Variants in BRMS1L observed in about 807,000 individuals in gnomAD.
BRMS1L encodes the protein breast cancer metastasis-suppressor 1-like protein.
In BRMS1L, 23 loss-of-function variants were observed where a neutral mutation model predicts 50.3. The ratio of observed to expected loss-of-function variants is 0.46; its 90% CI spans 0.33 to 0.65. The LOEUF is 0.65. Among genes scored for constraint, BRMS1L ranks in the 30% least tolerant of loss-of-function variants. The pLI is 0.02. For missense variants in BRMS1L, 286 were observed against 386.1 expected (o/e 0.74, Z 2.17); for synonymous variants, 114 against 126.9 (o/e 0.90, Z 0.69).
intron 4 of BRMS1L, among the ~76,000 whole-genome samples, chr14:35,850,549 T>C (rs966236302): frequency 6.6e-6 from 1 of 152,226 alleles, no homozygotes; most frequent in African/African-American, 2.4e-5. Flanking sequence ...AGAAACTTTT[T>C]AGTTTTGGTA....
chr14:35,867,089 T>TTGAA (rs573937424), intron 8 of BRMS1L, among the ~76,000 whole-genome samples: 148 of 152,174 alleles, frequency 9.7e-4, no homozygotes, highest in East Asian at 1.7e-3. Flanking sequence ...ACAACATTTG[T>TTGAA]TGAATGAATG....
At chr14:35,842,269 C>A (rs542406083) in intron 4 of BRMS1L, among the ~76,000 whole-genome samples, 77 of 151,954 alleles carry the variant, frequency 5.1e-4, no homozygotes, top group Admixed American at 1.9e-3. Flanking sequence ...TTCTTCATAG[C>A]GTTGATGGTC....
chr14:35,829,029 T>C (rs1227106082), intron 1 of BRMS1L, among the ~76,000 whole-genome samples: 2 of 151,716 alleles, frequency 1.3e-5, no homozygotes, highest in African/African-American at 4.8e-5. Context: ...CGCTGCAACC[T>C]CTGCCTCCTG....
Position 35,828,570 on chromosome 14 carries a change from T to C in BRMS1L, c.142+1912T>C, listed in dbSNP as rs2077877583. On this transcript the variant is annotated intron_variant, in intron 1 of 9. Transcript: ENST00000216807. ...CTCACTGCAACCTCCACCTCCAGGG[T>C]ACAAGCAATTCTCCTGCCTCAGCCT... is the stretch of plus-strand genomic sequence containing the variant. Among the ~76,000 whole-genome samples the C allele has an allele frequency of 2.0e-5, 3 of 147,518 alleles. No individual in the cohort carries two copies. In the Admixed American group the frequency reaches 2.1e-4, roughly 10 times the overall value.
rs1432944700 is a variant in BRMS1L, at chr14:35,865,760, A to G, written c.726A>G (p.Glu242=). The part of the protein sequence containing the change: ...ATLGPHRVKT[E]PPVKLEKHLH... ...TGGGGCCACACAGAGTGAAAACGGA[A>G]CGTAAGTCATTTAGTCTGAGTTGGG... is the stretch of plus-strand genomic sequence containing the variant. The change falls in exon 8 of 10, where the codon GAA becomes GAG. Residue 242 remains glutamate (E), a splice_region_variant and synonymous_variant. Coordinates refer to ENST00000216807, the MANE Select transcript of BRMS1L (RefSeq NM_032352.4). 6.2e-7 allele frequency: 1 copy of G among 1,603,036 alleles called. No homozygotes were observed. The highest frequency in any genetic ancestry group is 8.5e-7 in the Non-Finnish European group (1 of 1,177,200).
At chr14:35,849,681 G>C (rs776942999) in intron 4 of BRMS1L, among the ~76,000 whole-genome samples, 12 of 152,134 alleles carry the variant, frequency 7.9e-5, no homozygotes, top group Non-Finnish European at 1.6e-4. Context: ...TTTCCCTGAT[G>C]ATTAATGATA....
rs551705303 is a variant in BRMS1L, at chr14:35,841,928, C to T, written c.441+7005C>T. Among the ~76,000 whole-genome samples the T allele has an allele frequency of 7.3e-5, 11 of 151,706 alleles. No homozygotes were observed. In the South Asian group the frequency reaches 1.5e-3, roughly 20 times the overall value. On this transcript the variant is annotated intron_variant, in intron 4 of 9. Coordinates refer to ENST00000216807, the MANE Select transcript of BRMS1L (RefSeq NM_032352.4). ...TGATCTGTTTACCATTATGTAATGC[C>T]CTTCTTTGTCTTTTTTGATCTTTGT...
chr14:35,853,942 C>T (rs891254970), intron 4 of BRMS1L, among the ~76,000 whole-genome samples: 1 of 152,140 alleles, frequency 6.6e-6, no homozygotes, highest in African/African-American at 2.4e-5. Context: ...TGCATATCTA[C>T]ATTAATAGAA....
chr14:35,865,565 A>T (rs1332490618), intron 7 of BRMS1L, among the ~76,000 whole-genome samples, 157 bp from the exon 8 acceptor site: 1 of 152,142 alleles, frequency 6.6e-6, no homozygotes, highest in Middle Eastern at 3.2e-3. Context: ...TTATGGTCTT[A>T]GACATTAAAA....
intron 3 of BRMS1L, among the ~76,000 whole-genome samples, chr14:35,834,214 C>T (rs113462899): frequency 0.027 from 4,178 of 152,156 alleles, 147 homozygotes; most frequent in African/African-American, 0.078. Flanking sequence ...GAGCTCTTTG[C>T]GTGCCGTTTT....
intron 4 of BRMS1L, among the ~76,000 whole-genome samples, chr14:35,854,980 T>C (rs1419239142): frequency 6.6e-6 from 1 of 152,368 alleles, no homozygotes; most frequent in East Asian, 1.9e-4. Flanking sequence ...TTTCCCCCCC[T>C]CTTACTGCCT....
At chr14:35,843,764 T>C (rs1463342171) in intron 4 of BRMS1L, among the ~76,000 whole-genome samples, 7 of 152,234 alleles carry the variant, frequency 4.6e-5, no homozygotes, top group Non-Finnish European at 1.0e-4. Context: ...GGAATATTTA[T>C]GTTTGCTGAA....
chr14:35,832,330 C>G (rs1405151842), intron 2 of BRMS1L, among the ~76,000 whole-genome samples: 1 of 149,310 alleles, frequency 6.7e-6, no homozygotes, highest in Non-Finnish European at 1.5e-5. Context: ...CGGTGAAACC[C>G]CGTCTCTACT....
chr14:35,853,019 TATAGAG>T (rs923911912), intron 4 of BRMS1L, among the ~76,000 whole-genome samples: 76 of 150,766 alleles, frequency 5.0e-4, no homozygotes, highest in African/African-American at 1.9e-3. Flanking sequence ...TCTATCTATA[TATAGAG>T]AGAGAGACTT....
At chr14:35,827,392 A>G (rs1345662887) in intron 1 of BRMS1L, among the ~76,000 whole-genome samples, 1 of 152,214 alleles carries the variant, frequency 6.6e-6, no homozygotes, top group Non-Finnish European at 1.5e-5. Flanking sequence ...GTTATTCTAA[A>G]GTGAAATGGA....
chr14:35,826,462 A>G lies in BRMS1L; in HGVS notation c.-55A>G. 1.3e-6 allele frequency: 2 copies of G among 1,550,570 alleles called. No homozygotes were observed. The highest frequency in any genetic ancestry group is 1.7e-6 in the Non-Finnish European group (2 of 1,147,570). On this transcript the variant is annotated 5_prime_UTR_variant, in exon 1 of 10. Coordinates refer to ENST00000216807, the MANE Select transcript of BRMS1L (RefSeq NM_032352.4). ...GGGCGTTCCGCGCGCCCTTCATTGA[A>G]GCGGCGGTGGCCGGGCTGGGCGCCG...
At chr14:35,863,838 C>A in intron 5 of BRMS1L, 32 bp from the exon 6 acceptor site, 1 of 1,577,472 alleles carries the variant, frequency 6.3e-7, no homozygotes, top group South Asian at 1.2e-5. Flanking sequence ...CACCAGAAAC[C>A]CACTAATACT....
At chr14:35,834,692 T>G (rs1381420769) in intron 3 of BRMS1L, 152 bp from the exon 4 acceptor site, 5 of 409,862 alleles carry the variant, frequency 1.2e-5, no homozygotes, top group Non-Finnish European at 2.1e-5. Context: ...AGTGAGCCTT[T>G]TATTTTTAGT....
intron 4 of BRMS1L, among the ~76,000 whole-genome samples, chr14:35,855,000 CAG>C (rs1198001378): frequency 6.6e-6 from 1 of 152,358 alleles, no homozygotes; most frequent in African/African-American, 2.4e-5. Flanking sequence ...TAGGCAGAGA[CAG>C]ACATATTTCC....
Sources: gnomAD v4.1 joint callset for allele counts (sites outside exome capture counted in the v4.1 genomes callset) on GRCh38, gnomAD v4.1.1 for gene constraint, MANE v1.5 for transcripts, NCBI Gene and HGNC (gene_info 2026-07-23, HGNC 2026-07-21) for gene names.